The following PARD3 variants were observed in gnomAD, a reference collection of about 807,000 sequenced individuals.
PARD3 encodes partitioning defective 3 homolog.
Under a neutral mutation model 155.4 loss-of-function variants are expected in PARD3, and 75 were observed. The observed-to-expected ratio is 0.48, with a 90% CI of 0.40 to 0.58. The LOEUF is 0.58. Ranked by LOEUF, PARD3 falls within the 20% of genes least tolerant of loss-of-function variation. The pLI, the probability that PARD3 is intolerant of heterozygous loss-of-function variation, is 0.00. For missense variants in PARD3, 1,642 were observed against 1,721.7 expected (o/e 0.95, Z 0.82); for synonymous variants, 576 against 610.5 (o/e 0.94, Z 0.83).
At chr10:34,598,778 G>C (rs576995970) in intron 2 of PARD3, among the ~76,000 whole-genome samples, 1 of 152,262 alleles carries the variant, frequency 6.6e-6, no homozygotes, top group East Asian at 1.9e-4. Flanking sequence ...TCTAACACAG[G>C]AGACAATGCT....
At chr10:34,419,643 T>C (rs1475864367) in intron 5 of PARD3, among the ~76,000 whole-genome samples, 1 of 152,242 alleles carries the variant, frequency 6.6e-6, no homozygotes, top group Non-Finnish European at 1.5e-5. Flanking sequence ...AGGTAGTTAC[T>C]AGGCAGTATT....
intron 22 of PARD3, among the ~76,000 whole-genome samples, chr10:34,251,389 T>C (rs1954297758): frequency 6.6e-6 from 1 of 152,196 alleles, no homozygotes; most frequent in Non-Finnish European, 1.5e-5. Context: ...CTAACATTTA[T>C]GGGACTGCTC....
At chr10:34,622,855 G>A (rs2132726134) in intron 2 of PARD3, among the ~76,000 whole-genome samples, 2 of 146,614 alleles carry the variant, frequency 1.4e-5, no homozygotes, top group South Asian at 2.1e-4. Flanking sequence ...TAGTACACAG[G>A]CCATATTCCA....
chr10:34,267,634 C>T (rs1181008798), intron 22 of PARD3, among the ~76,000 whole-genome samples: 1 of 152,192 alleles, frequency 6.6e-6, no homozygotes, highest in African/African-American at 2.4e-5. Flanking sequence ...GTTGCATCTG[C>T]AAACCTCTAT....
At chr10:34,253,140 C>T (rs1954430514) in intron 22 of PARD3, among the ~76,000 whole-genome samples, 1 of 152,124 alleles carries the variant, frequency 6.6e-6, no homozygotes, top group South Asian at 2.1e-4. Flanking sequence ...ATGGAACTCT[C>T]CCAGATGCAA....
At chr10:34,767,955 A>G (rs1219867786) in intron 1 of PARD3, among the ~76,000 whole-genome samples, 1 of 152,100 alleles carries the variant, frequency 6.6e-6, no homozygotes, top group Non-Finnish European at 1.5e-5. Context: ...GGATGAAAAT[A>G]TAAATGTTAA....
intron 1 of PARD3, among the ~76,000 whole-genome samples, chr10:34,705,252 C>T (rs2094345485): frequency 6.6e-6 from 1 of 152,110 alleles, no homozygotes; most frequent in Admixed American, 6.5e-5. Context: ...ATTGCTTGAG[C>T]CCAGGAGTTC....
At chr10:34,595,611 G>A (rs1803625942) in intron 2 of PARD3, among the ~76,000 whole-genome samples, 1 of 152,158 alleles carries the variant, frequency 6.6e-6, no homozygotes, top group African/African-American at 2.4e-5. Context: ...AGGAAGAAGG[G>A]TGTCTGGTAC....
chr10:34,457,802 T>C (rs2077416115), intron 4 of PARD3, among the ~76,000 whole-genome samples: 1 of 152,154 alleles, frequency 6.6e-6, no homozygotes. Context: ...AGTCTCACTA[T>C]ATTGCCGAGG....
intron 22 of PARD3, among the ~76,000 whole-genome samples, chr10:34,179,595 T>G (rs900746153): frequency 4.6e-5 from 7 of 152,366 alleles, no homozygotes; most frequent in Non-Finnish European, 8.8e-5. Flanking sequence ...AGAACTCACT[T>G]GTTCATAACC....
intron 2 of PARD3, among the ~76,000 whole-genome samples, chr10:34,540,863 T>C (rs2083561153): frequency 6.6e-6 from 1 of 152,186 alleles, no homozygotes; most frequent in Non-Finnish European, 1.5e-5. Context: ...TTACTTGCAA[T>C]ATTGTTTCCA....
chr10:34,180,850 C>T (rs1187034138), intron 22 of PARD3, among the ~76,000 whole-genome samples: 1 of 151,940 alleles, frequency 6.6e-6, no homozygotes, highest in Non-Finnish European at 1.5e-5. Context: ...TTCTAAATGA[C>T]AAAAAGGACT....
At chr10:34,312,881 A>C (rs985865526) in intron 20 of PARD3, among the ~76,000 whole-genome samples, 5 of 152,214 alleles carry the variant, frequency 3.3e-5, no homozygotes, top group Admixed American at 6.5e-5. Context: ...GCAGCAAAGC[A>C]ATATCAAATT....
At chr10:34,283,086 G>C (rs1218486023) in intron 21 of PARD3, among the ~76,000 whole-genome samples, 1 of 151,928 alleles carries the variant, frequency 6.6e-6, no homozygotes, top group Non-Finnish European at 1.5e-5. Context: ...AAGGATGAAT[G>C]AAAAAATACC....
At chr10:34,739,716 C>T (rs539791749) in intron 1 of PARD3, among the ~76,000 whole-genome samples, 5 of 152,324 alleles carry the variant, frequency 3.3e-5, no homozygotes, top group Non-Finnish European at 7.3e-5. Context: ...TTTCCCTAAA[C>T]TTAGGAATGC....
chr10:34,659,016 A>T (rs2093255484), intron 2 of PARD3, among the ~76,000 whole-genome samples: 1 of 152,206 alleles, frequency 6.6e-6, no homozygotes, highest in Non-Finnish European at 1.5e-5. Flanking sequence ...CACTGCTTAG[A>T]ATTTACCTAC....
At chr10:34,789,693 G>T (rs1841411844) in intron 1 of PARD3, among the ~76,000 whole-genome samples, 2 of 151,990 alleles carry the variant, frequency 1.3e-5, no homozygotes, top group African/African-American at 2.4e-5. Flanking sequence ...AACAGAGCAA[G>T]ATCCTGTTAC....
chr10:34,651,735 A>T (rs1564462624), intron 2 of PARD3, among the ~76,000 whole-genome samples: 2 of 152,204 alleles, frequency 1.3e-5, no homozygotes, highest in Non-Finnish European at 1.5e-5. Flanking sequence ...ATCATGGATA[A>T]CAAGGAATTT....
At chr10:34,118,561 G>C (rs925530194) in intron 24 of PARD3, among the ~76,000 whole-genome samples, 1 of 152,022 alleles carries the variant, frequency 6.6e-6, no homozygotes, top group Non-Finnish European at 1.5e-5. Flanking sequence ...GCCCAGGCTG[G>C]TCTCGAACTC....
Sources: allele counts gnomAD v4.1 joint callset (sites outside exome capture counted in the v4.1 genomes callset), GRCh38; gene constraint gnomAD v4.1.1; transcripts MANE v1.5; gene names NCBI Gene and HGNC (gene_info 2026-07-23, HGNC 2026-07-21).